Variants in THSD7B observed in about 807,000 individuals in gnomAD.
THSD7B encodes thrombospondin type 1 domain containing 7B.
A neutral mutation model predicts 213.6 loss-of-function variants in THSD7B; 138 were observed. The ratio of observed to expected loss-of-function variants is 0.65; its 90% confidence interval spans 0.56 to 0.74. The LOEUF is 0.74. THSD7B is among the 30% of genes least tolerant of loss of function. The pLI is 0.00. For missense variants in THSD7B, 1,931 were observed against 1,991.5 expected (o/e 0.97, Z 0.58); for synonymous variants, 742 against 687.0 (o/e 1.08, Z -1.25).
At chr2:136,947,308 T>A (rs918445747) in intron 2 of THSD7B, among the ~76,000 whole-genome samples, 3 of 152,210 alleles carry the variant, frequency 2.0e-5, no homozygotes, top group African/African-American at 7.2e-5. Flanking sequence ...AATATTTGGT[T>A]AATTGAGATA....
rs201273702 is a variant in THSD7B, at chr2:137,659,169, TA to T, written c.4376-490del. Reference sequence around the variant, plus strand: ...GCATGTATTCCAGTTGACTTACATTTAAAAATACTACCAACATATTTGATAC... The same window carrying T: ...GCATGTATTCCAGTTGACTTACATTTAAAATACTACCAACATATTTGATAC... On this transcript the variant is annotated intron_variant, in intron 24 of 27. Transcript: ENST00000409968. Among the ~76,000 whole-genome samples, 252 of 152,300 alleles carry T rather than the reference TA, an allele frequency of 1.7e-3. 3 individuals are homozygous for T. In the East Asian group the frequency reaches 0.029, roughly 18 times the overall value.
chr2:136,892,987 T>C (rs750932987), intron 2 of THSD7B, among the ~76,000 whole-genome samples: 2 of 152,198 alleles, frequency 1.3e-5, no homozygotes, highest in Non-Finnish European at 2.9e-5. Context: ...TGACCTTTAC[T>C]GAGTTATATC....
chr2:136,863,889 G>A (rs539693212), intron 1 of THSD7B, among the ~76,000 whole-genome samples: 3 of 152,170 alleles, frequency 2.0e-5, no homozygotes, highest in African/African-American at 7.2e-5. Flanking sequence ...ATCCAGCAAC[G>A]AGCCTTGGTG....
chr2:137,061,542 C>T (rs1432202602), intron 3 of THSD7B, among the ~76,000 whole-genome samples: 2 of 147,790 alleles, frequency 1.4e-5, no homozygotes, highest in Non-Finnish European at 3.0e-5. Flanking sequence ...CCCCTTCATT[C>T]TTAGTTTTCT....
intron 5 of THSD7B, among the ~76,000 whole-genome samples, chr2:137,130,633 G>GT (rs1192813689): frequency 1.3e-5 from 2 of 149,830 alleles, no homozygotes; most frequent in African/African-American, 4.9e-5. Flanking sequence ...GTGGTGTTTG[G>GT]TTTTTTGTCC....
chr2:137,174,631 AG>A (rs778303049), intron 7 of THSD7B, among the ~76,000 whole-genome samples: 1 of 152,164 alleles, frequency 6.6e-6, no homozygotes, highest in Non-Finnish European at 1.5e-5. Context: ...TTCTCCCTCA[AG>A]CCTGTAATTA....
At chr2:137,664,538 C>T (rs1402032047) in intron 26 of THSD7B, among the ~76,000 whole-genome samples, 5 of 152,142 alleles carry the variant, frequency 3.3e-5, no homozygotes, top group African/African-American at 1.2e-4. Flanking sequence ...TTATTAGATG[C>T]TTTCTGTGTG....
intron 12 of THSD7B, among the ~76,000 whole-genome samples, chr2:137,307,998 T>A: frequency 6.6e-6 from 1 of 151,920 alleles, no homozygotes; most frequent in Admixed American, 6.6e-5. Context: ...GGGCAACCAT[T>A]TTCTACCATG....
intron 14 of THSD7B, among the ~76,000 whole-genome samples, chr2:137,416,157 C>A (rs545994180): frequency 6.6e-6 from 1 of 152,256 alleles, no homozygotes; most frequent in South Asian, 2.1e-4. Context: ...CTATCTTCTG[C>A]ACATGCTGAT....
At chr2:137,258,852 C>G (rs1334543808) in intron 10 of THSD7B, among the ~76,000 whole-genome samples, 1 of 151,642 alleles carries the variant, frequency 6.6e-6, no homozygotes, top group Admixed American at 6.6e-5. Context: ...CAACCCCTGA[C>G]AGGCCCTGAA....
At chr2:136,951,469 A>G (rs1334764443) in intron 2 of THSD7B, among the ~76,000 whole-genome samples, 1 of 152,222 alleles carries the variant, frequency 6.6e-6, no homozygotes, top group South Asian at 2.1e-4. Context: ...CCTAAACTCT[A>G]TTCCTGGCCC....
At chr2:137,095,267 G>A (rs775238609) in intron 4 of THSD7B, 146 bp downstream of exon 4, 32 of 1,164,884 alleles carry the variant, frequency 2.7e-5, no homozygotes, top group Non-Finnish European at 3.2e-5. Context: ...ATAGGAGAGC[G>A]GGTTAAGATC....
intron 5 of THSD7B, among the ~76,000 whole-genome samples, chr2:137,115,688 C>T (rs1042690948): frequency 9.9e-5 from 15 of 152,072 alleles, no homozygotes; most frequent in African/African-American, 3.6e-4. Flanking sequence ...GAAATTTCTG[C>T]AAACATATTC....
intron 8 of THSD7B, 72 bp downstream of exon 8, chr2:137,231,307 G>A: frequency 1.4e-6 from 2 of 1,430,260 alleles, no homozygotes; most frequent in Non-Finnish European, 1.9e-6. Context: ...ATTGGTGATA[G>A]AGAAGTTTAT....
At chr2:137,409,150 A>G (rs1010387018) in intron 13 of THSD7B, among the ~76,000 whole-genome samples, 1 of 152,136 alleles carries the variant, frequency 6.6e-6, no homozygotes, top group African/African-American at 2.4e-5. Context: ...TTTTCAGTAG[A>G]CCAGTGATTT....
intron 27 of THSD7B, among the ~76,000 whole-genome samples, chr2:137,673,682 T>C (rs1202483124): frequency 1.3e-5 from 2 of 152,196 alleles, no homozygotes; most frequent in Non-Finnish European, 2.9e-5. Flanking sequence ...AGTGCAGTCT[T>C]GCCCCTCAGC....
chr2:137,195,854 A>C (rs749645409), intron 7 of THSD7B, among the ~76,000 whole-genome samples: 5 of 152,198 alleles, frequency 3.3e-5, no homozygotes, highest in Non-Finnish European at 5.9e-5. Context: ...TATTTACATC[A>C]TCTGAAACTA....
intron 12 of THSD7B, among the ~76,000 whole-genome samples, chr2:137,351,674 A>G (rs928241075): frequency 6.6e-6 from 1 of 151,984 alleles, no homozygotes; most frequent in Non-Finnish European, 1.5e-5. Context: ...GTGGCTTTCA[A>G]CATGAGGCAC....
At chr2:137,571,543 G>A (rs1456450232) in intron 16 of THSD7B, among the ~76,000 whole-genome samples, 1 of 152,168 alleles carries the variant, frequency 6.6e-6, no homozygotes, top group African/African-American at 2.4e-5. Flanking sequence ...CCCACCAGCA[G>A]CATGAGAAGA....
Sources: allele counts gnomAD v4.1 joint callset (sites outside exome capture counted in the v4.1 genomes callset), GRCh38; gene constraint gnomAD v4.1.1; transcripts MANE v1.5; gene names NCBI Gene and HGNC (gene_info 2026-07-23, HGNC 2026-07-21).